CPS1: variants seen among roughly 807,000 people sequenced by gnomAD.
The protein encoded by CPS1 is carbamoyl-phosphate synthase [ammonia], mitochondrial.
In CPS1, 109 loss-of-function variants were observed where a neutral mutation model predicts 174.6. That is an observed-to-expected ratio of 0.62 (90% CI 0.53 to 0.73). The LOEUF is 0.73. Among genes scored for constraint, CPS1 ranks in the 30% least tolerant of loss-of-function variants. The pLI is 0.00. For missense variants in CPS1, 1,689 were observed against 1,821.9 expected (o/e 0.93, Z 1.33); for synonymous variants, 637 against 632.0 (o/e 1.01, Z -0.12).
chr2:210,482,373 C>G (rs551186349), intron 1 of CPS1, among the ~76,000 whole-genome samples: 1 of 150,934 alleles, frequency 6.6e-6, no homozygotes, highest in South Asian at 2.1e-4. Context: ...ATGGTGCGAT[C>G]TCGGCTCACT....
chr2:210,499,542 G>C (rs1695090266), intron 1 of CPS1, among the ~76,000 whole-genome samples: 1 of 152,150 alleles, frequency 6.6e-6, no homozygotes, highest in African/African-American at 2.4e-5. Flanking sequence ...GTGCAGCCAC[G>C]GTGCCAGATT....
chr2:210,589,147 G>A (rs1183193091), intron 7 of CPS1, among the ~76,000 whole-genome samples: 1 of 151,910 alleles, frequency 6.6e-6, no homozygotes, highest in Non-Finnish European at 1.5e-5. Context: ...TATTCCACAC[G>A]GGCTCTCAGA....
chr2:210,654,246 A>G (rs989650086), intron 29 of CPS1, 144 bp downstream of exon 29: 5 of 718,370 alleles, frequency 7.0e-6, no homozygotes, highest in Non-Finnish European at 9.8e-6. Context: ...AAAAAATCAA[A>G]TTCTCTGACA....
At chr2:210,552,654 G>T (rs1412579107), upstream of CPS1, among the ~76,000 whole-genome samples, 1 of 151,702 alleles carries the variant, frequency 6.6e-6, no homozygotes, top group African/African-American at 2.4e-5. Flanking sequence ...TCTGTAGCAG[G>T]TCTTCCCTTG....
chr2:210,543,412 C>G (rs1201561848), intron 1 of CPS1, among the ~76,000 whole-genome samples: 1 of 151,930 alleles, frequency 6.6e-6, no homozygotes, highest in Non-Finnish European at 1.5e-5. Flanking sequence ...CCTTCTGTTT[C>G]ACCAGGAAGA....
chr2:210,499,541 C>T (rs571502981), intron 1 of CPS1, among the ~76,000 whole-genome samples: 38 of 152,312 alleles, frequency 2.5e-4, no homozygotes, highest in African/African-American at 6.7e-4. Context: ...TGTGCAGCCA[C>T]GGTGCCAGAT....
At position 210,572,752 on chromosome 2, in the gene CPS1, T is replaced by G. The variant is rs1697545414; in HGVS notation, c.127-546T>G. 3.3e-5 allele frequency among the ~76,000 whole-genome samples: 5 copies of G among 152,064 alleles called. 1 individual carries two copies. In the South Asian group the frequency reaches 1.0e-3, roughly 31 times the overall value. On this transcript the variant is annotated intron_variant, in intron 1 of 37. Transcript: ENST00000233072. ...ATTAAGAGAGTGATAAAGTTTCAGT[T>G]TCTTCATGAACATAATTCTGGCATG...
At chr2:210,488,304 A>C (rs6749711) in intron 1 of CPS1, among the ~76,000 whole-genome samples, 127,266 of 152,080 alleles carry the variant, frequency 0.84, 54,204 homozygotes, top group Middle Eastern at 0.93. Flanking sequence ...GAACTCACCT[A>C]CTCTGGTTTA....
In CPS1 at chr2:210,675,832, C is replaced by T. The variant is rs1389889942; in HGVS notation, c.4266C>T (p.Ser1422=). Residue 1422 remains serine, a synonymous_variant, in exon 36 of 38, where the codon TCC becomes TCT. Transcript: ENST00000233072. ...SQEGQNPSLS[S]IRKLIRDGSI... ...AAGGACAGAATCCCAGCCTCTCTTC[C>T]ATCAGAAAGTAAGAACTAGGCATAC... 5 of 1,467,670 alleles carry T rather than the reference C, an allele frequency of 3.4e-6. No homozygotes were observed. Among genetic ancestry groups the T allele is most frequent in the South Asian group, 1.1e-5 (1 of 88,084 alleles). 90.9% of individuals were successfully genotyped at this position (1,467,670 alleles called of 1,614,324 possible).
At position 210,673,726 on chromosome 2, in the gene CPS1, A is replaced by G. The variant is rs563598558; in HGVS notation, c.4102-1176A>G. On this transcript the variant is annotated intron_variant, in intron 34 of 37. Coordinates refer to ENST00000233072, the MANE Select transcript of CPS1 (RefSeq NM_001875.5). ...ATTAATAGGCAAGTAACTGTGCTAA[A>G]TTATAGTAGTAACACTTAAGTAGTG... 7.9e-5 allele frequency: 12 copies of G among 152,324 alleles called. No homozygotes were observed. The South Asian group carries it at 2.5e-3, about 32-fold the overall frequency. 9.4% of individuals were successfully genotyped at this position (152,324 alleles called of 1,614,324 possible).
At chr2:210,610,848 T>A (rs2105856841) in intron 19 of CPS1, among the ~76,000 whole-genome samples, 1 of 151,904 alleles carries the variant, frequency 6.6e-6, no homozygotes, top group South Asian at 2.1e-4. Flanking sequence ...GTTTTTTTTT[T>A]AATTGAATGG....
At chr2:210,552,703 T>C (rs894349561), upstream of CPS1, among the ~76,000 whole-genome samples, 1 of 151,932 alleles carries the variant, frequency 6.6e-6, no homozygotes, top group African/African-American at 2.4e-5. Flanking sequence ...AGTGGACTGT[T>C]TGAGAAGTGG....
intron 1 of CPS1, among the ~76,000 whole-genome samples, chr2:210,525,374 C>T (rs1559061939): frequency 6.6e-6 from 1 of 151,950 alleles, no homozygotes; most frequent in Non-Finnish European, 1.5e-5. Flanking sequence ...TTCATTCTGT[C>T]TTGTTCACTC....
At chr2:210,652,485 C>T (rs1437609279) in intron 28 of CPS1, among the ~76,000 whole-genome samples, 2 of 151,966 alleles carry the variant, frequency 1.3e-5, no homozygotes, top group Non-Finnish European at 2.9e-5. Flanking sequence ...ATAGTAAGAA[C>T]ATGCATTGAA....
chr2:210,497,899 T>TATAC (rs1695035500), intron 1 of CPS1, among the ~76,000 whole-genome samples: 1 of 133,444 alleles, frequency 7.5e-6, no homozygotes, highest in African/African-American at 2.9e-5. Flanking sequence ...CATACATATA[T>TATAC]ATATATATAT....
chr2:210,648,434 A>T (rs1700450888), intron 26 of CPS1, 39 bp from the exon 27 acceptor site: 1 of 1,515,094 alleles, frequency 6.6e-7, no homozygotes, highest in Non-Finnish European at 9.2e-7. Flanking sequence ...GCATATTTTA[A>T]ACTACTCATA....
At chr2:210,633,295 A>G (rs1295609739) in intron 21 of CPS1, among the ~76,000 whole-genome samples, 1 of 152,168 alleles carries the variant, frequency 6.6e-6, no homozygotes. Flanking sequence ...GCTGAGTACA[A>G]AATTAACTCA....
intron 34 of CPS1, chr2:210,672,872 G>T (rs1460084718): frequency 6.6e-6 from 1 of 152,078 alleles, no homozygotes; most frequent in East Asian, 1.9e-4. Flanking sequence ...TGCAGTTCTG[G>T]GATTGAGGGG....
intron 28 of CPS1, among the ~76,000 whole-genome samples, chr2:210,651,529 G>A (rs141183761): frequency 1.9e-3 from 296 of 152,280 alleles, no homozygotes; most frequent in African/African-American, 6.7e-3. Flanking sequence ...CCTGCCATGC[G>A]GCCCTTTTCA....
Sources: allele counts gnomAD v4.1 joint callset (sites outside exome capture counted in the v4.1 genomes callset), GRCh38; gene constraint gnomAD v4.1.1; transcripts MANE v1.5; gene names NCBI Gene and HGNC (gene_info 2026-07-23, HGNC 2026-07-21).